The following H2BC4 variants were observed in gnomAD, a reference collection of about 807,000 sequenced individuals.
H2BC4 encodes the protein H2B clustered histone 4.
In H2BC4, 10 loss-of-function variants were observed where a neutral mutation model predicts 6.2. The ratio of observed to expected loss-of-function variants is 1.61; its 90% CI spans 0.99 to 2.73. The LOEUF is 2.73. Ranked by LOEUF, H2BC4 falls within the 30% of genes most tolerant of loss-of-function variation. The pLI, the probability that H2BC4 is intolerant of heterozygous loss-of-function variation, is 0.00. For synonymous variants in H2BC4, 146 were observed against 70.7 expected, an observed-to-expected ratio of 2.07 and a Z score of -5.35; for missense variants, 176 against 168.7, an observed-to-expected ratio of 1.04 and a Z score of -0.24.
downstream of H2BC4, among the ~76,000 whole-genome samples, chr6:26,122,735 T>C (rs1581412321): frequency 6.6e-6 from 1 of 152,298 alleles, no homozygotes; most frequent in Non-Finnish European, 1.5e-5. Context: ...CTACGGAGAT[T>C]TTAAGTTTCA....
downstream of H2BC4, chr6:26,114,855 T>C (rs921111654): frequency 1.3e-5 from 2 of 152,028 alleles, no homozygotes; most frequent in African/African-American, 4.8e-5. Flanking sequence ...ATATATAATA[T>C]ACATATAAAA....
At chr6:26,114,734 T>G (rs1763397967), downstream of H2BC4, 1 of 151,904 alleles carries the variant, frequency 6.6e-6, no homozygotes, top group Non-Finnish European at 1.5e-5. Flanking sequence ...CCATAAATTA[T>G]ACATCCATAA....
downstream of H2BC4, among the ~76,000 whole-genome samples, chr6:26,119,776 T>C (rs2113796016): frequency 6.9e-6 from 1 of 144,478 alleles, no homozygotes; most frequent in African/African-American, 2.6e-5. Flanking sequence ...AAAGAAGCCA[T>C]TTTTAAAATG....
chr6:26,115,421 T>G (rs1763406060), intron 1 of H2BC4, among the ~76,000 whole-genome samples: 1 of 152,238 alleles, frequency 6.6e-6, no homozygotes, highest in Non-Finnish European at 1.5e-5. Context: ...ATAATGAGCC[T>G]GTGCAGTAAA....
chr6:26,120,644 C>T (rs958901317), downstream of H2BC4, among the ~76,000 whole-genome samples: 1 of 152,156 alleles, frequency 6.6e-6, no homozygotes, highest in Admixed American at 6.5e-5. Context: ...ATGAATAATT[C>T]TGATTCTCAG....
In H2BC4 at chr6:26,123,864, C is replaced by A. The variant is rs2113800357; in HGVS notation, c.41G>T (p.Gly14Val). Reference protein sequence around the residue: ...PAKSAPAPKKGSKKAVTKAQK... With the variant: ...PAKSAPAPKKVSKKAVTKAQK... ...CGCTTTGGTCACTGCCTTCTTGGAG[C>A]CCTTCTTCGGGGCGGGAGCAGACTT... is the stretch of plus-strand genomic sequence containing the variant. The change falls in exon 1 of 1, where the codon GGC becomes GTC. Residue 14 changes from glycine to valine, a missense_variant. By Grantham distance (109) the Gly-to-Val change is moderately radical. Coordinates refer to ENST00000396984, the MANE Select transcript of H2BC4 (RefSeq NM_003526.3). The A allele has an allele frequency of 2.5e-6, 4 of 1,614,218 alleles. No individual in the cohort carries two copies. Among genetic ancestry groups the A allele is most frequent in the South Asian group, 2.2e-5 (2 of 91,090 alleles).
chr6:26,123,921 T>TAAAAGA lies in H2BC4; in HGVS notation c.-18_-17insTCTTTT, dbSNP rs775326554. ...CTCAGGCATCTTAAAACACCAGAAA[T>TAAAAGA]GTGTCGAAAGTAAAGAGCGGATTTC... On this transcript the variant is annotated 5_prime_UTR_variant, in exon 1 of 1. Coordinates refer to ENST00000396984, the MANE Select transcript of H2BC4 (RefSeq NM_003526.3). 212 of 1,610,390 alleles carry TAAAAGA rather than the reference T, an allele frequency of 1.3e-4. 1 individual carries two copies. The highest frequency in any genetic ancestry group is 2.3e-5 in the Non-Finnish European group (27 of 1,179,168).
intron 1 of H2BC4, among the ~76,000 whole-genome samples, chr6:26,115,618 T>A (rs1442698946): frequency 6.6e-6 from 1 of 152,204 alleles, no homozygotes; most frequent in Non-Finnish European, 1.5e-5. Flanking sequence ...GTCTGATTTT[T>A]AGAGCCTAGA....
downstream of H2BC4, among the ~76,000 whole-genome samples, chr6:26,123,077 T>C (rs942908753): frequency 2.6e-5 from 4 of 152,156 alleles, no homozygotes; most frequent in Admixed American, 6.5e-5. Flanking sequence ...AATCAGAGTC[T>C]CAAAACAGCT....
At chr6:26,115,637 C>T (rs1436643013) in intron 1 of H2BC4, among the ~76,000 whole-genome samples, 2 of 152,188 alleles carry the variant, frequency 1.3e-5, no homozygotes, top group South Asian at 4.1e-4. Flanking sequence ...GAACCCTGAG[C>T]ACACTCTCTA....
chr6:26,118,489 G>T (rs1026908210), downstream of H2BC4, among the ~76,000 whole-genome samples: 1 of 152,170 alleles, frequency 6.6e-6, no homozygotes, highest in African/African-American at 2.4e-5. Context: ...CCTGCAAAAA[G>T]TTAGCATGCC....
downstream of H2BC4, among the ~76,000 whole-genome samples, chr6:26,122,970 C>G (rs1186431213): frequency 2.6e-5 from 4 of 152,176 alleles, no homozygotes; most frequent in Admixed American, 2.6e-4. Context: ...AGGAGACACA[C>G]CCTTCAGTAT....
chr6:26,119,619 A>G (rs1228943343), downstream of H2BC4, among the ~76,000 whole-genome samples: 1 of 152,132 alleles, frequency 6.6e-6, no homozygotes, highest in Non-Finnish European at 1.5e-5. Flanking sequence ...AAATAAAGTG[A>G]TGTTAACTCA....
downstream of H2BC4, among the ~76,000 whole-genome samples, chr6:26,119,931 C>CT (rs1763477513): frequency 6.6e-6 from 1 of 151,668 alleles, no homozygotes; most frequent in African/African-American, 2.4e-5. Context: ...ATACTTTAAG[C>CT]TGTTAACTAA....
chr6:26,113,184 A>AT (rs1763381029), downstream of H2BC4, among the ~76,000 whole-genome samples: 2 of 151,792 alleles, frequency 1.3e-5, no homozygotes, highest in Non-Finnish European at 2.9e-5. Flanking sequence ...CTTCCAGTTT[A>AT]TTTATTTTTC....
chr6:26,114,390 AT>A (rs567748319), downstream of H2BC4, among the ~76,000 whole-genome samples: 13 of 151,588 alleles, frequency 8.6e-5, no homozygotes, highest in South Asian at 2.1e-4. Flanking sequence ...TGTAATTTCA[AT>A]TTTTTTTTCT....
At chr6:26,122,240 T>C (rs577470287), downstream of H2BC4, among the ~76,000 whole-genome samples, 113 of 152,240 alleles carry the variant, frequency 7.4e-4, no homozygotes, top group African/African-American at 2.6e-3. Context: ...GTGAAAGAAA[T>C]TGCAGATTTA....
At chr6:26,119,544 TA>T (rs1375030846), downstream of H2BC4, among the ~76,000 whole-genome samples, 1 of 152,200 alleles carries the variant, frequency 6.6e-6, no homozygotes, top group African/African-American at 2.4e-5. Flanking sequence ...ATTCCATTTT[TA>T]AAAATGACAT....
chr6:26,122,053 CAAAAA>C (rs67046086), downstream of H2BC4, among the ~76,000 whole-genome samples: 5 of 124,206 alleles, frequency 4.0e-5, no homozygotes, highest in Non-Finnish European at 1.7e-5. Context: ...AACTTCGTCT[CAAAAA>C]AAAAAAAAAA....
Sources: allele counts gnomAD v4.1 joint callset (sites outside exome capture counted in the v4.1 genomes callset), GRCh38; gene constraint gnomAD v4.1.1; transcripts MANE v1.5; gene names NCBI Gene and HGNC (gene_info 2026-07-23, HGNC 2026-07-21).